The following LTBP1 variants were observed in gnomAD, a reference collection of about 807,000 sequenced individuals.
The protein encoded by LTBP1 is latent transforming growth factor beta binding protein 1.
Under a neutral mutation model 207.6 loss-of-function variants are expected in LTBP1, and 129 were observed. The ratio of observed to expected loss-of-function variants is 0.62; its 90% confidence interval spans 0.54 to 0.72. The LOEUF (loss-of-function observed/expected upper bound fraction) is 0.72. Ranked by LOEUF, LTBP1 falls within the 30% of genes least tolerant of loss-of-function variation. The probability of loss-of-function intolerance (pLI) is 0.00; values close to 1 mark genes in which losing one functional copy is unlikely to be tolerated. For synonymous variants in LTBP1, 963 were observed against 833.7 expected, an observed-to-expected ratio of 1.16 and a Z score of -2.67; for missense variants, 2,281 against 2,217.2, an observed-to-expected ratio of 1.03 and a Z score of -0.58.
chr2:33,127,566 C>T (rs1398676739), intron 4 of LTBP1, among the ~76,000 whole-genome samples: 1 of 152,182 alleles, frequency 6.6e-6, no homozygotes, highest in African/African-American at 2.4e-5. Flanking sequence ...ACCACATTCT[C>T]TCTTCCAGTC....
At chr2:33,362,055 G>A (rs529312138) in intron 28 of LTBP1, among the ~76,000 whole-genome samples, 1 of 152,220 alleles carries the variant, frequency 6.6e-6, no homozygotes, top group South Asian at 2.1e-4. Flanking sequence ...TGTATTTGAT[G>A]CTACGGTTAT....
At chr2:33,292,641 A>T (rs1361866605) in intron 19 of LTBP1, among the ~76,000 whole-genome samples, 2 of 152,008 alleles carry the variant, frequency 1.3e-5, no homozygotes, top group Non-Finnish European at 2.9e-5. Context: ...TGTCCCTTAG[A>T]TTACTTGGTT....
At chr2:33,115,037 T>TACACACACACACACACAC (rs60544598) in intron 4 of LTBP1, among the ~76,000 whole-genome samples, 1 of 145,150 alleles carries the variant, frequency 6.9e-6, no homozygotes, top group South Asian at 2.3e-4. Context: ...AACAGATATA[T>TACACACACACACACACAC]ACACACACAC....
At chr2:33,184,410 A>C (rs1312066631) in intron 5 of LTBP1, among the ~76,000 whole-genome samples, 1 of 151,902 alleles carries the variant, frequency 6.6e-6, no homozygotes, top group Non-Finnish European at 1.5e-5. Context: ...TCAGCAACAT[A>C]GGTTTACTCA....
chr2:32,971,038 G>GTC lies in LTBP1; in HGVS notation c.565+22094_565+22095insCT, dbSNP rs1558455414. ...TGTGTGTGTGTGTGTGTGTGTGTGT[G>GTC]TGTGTCTGTCTGTCTTTTGTAAATG... On this transcript the variant is annotated intron_variant, in intron 2 of 33. Transcript: ENST00000404816. 5.3e-3 allele frequency among the ~76,000 whole-genome samples: 727 copies of GTC among 136,708 alleles called. 7 individuals carry two copies. Among genetic ancestry groups the GTC allele is most frequent in the African/African-American group, 0.018 (692 of 38,142 alleles). The allele number at this position is 136,708 out of a possible 152,430, so 89.7% of individuals were successfully genotyped here. A position where few individuals can be genotyped will look rare whatever the true frequency, so the allele number is the denominator to read the frequency against.
At chr2:33,092,723 G>A (rs922105687) in intron 3 of LTBP1, among the ~76,000 whole-genome samples, 3 of 152,228 alleles carry the variant, frequency 2.0e-5, no homozygotes, top group Middle Eastern at 3.4e-3. Flanking sequence ...GGAGCTCCTG[G>A]ATCCCACAGA....
At chr2:33,175,891 A>T (rs2085988576) in intron 5 of LTBP1, among the ~76,000 whole-genome samples, 1 of 130,458 alleles carries the variant, frequency 7.7e-6, no homozygotes, top group African/African-American at 2.8e-5. Flanking sequence ...CATTCTCAGT[A>T]AACGATCGCA....
At chr2:33,362,913 G>C (rs1183637729) in intron 28 of LTBP1, among the ~76,000 whole-genome samples, 1 of 152,034 alleles carries the variant, frequency 6.6e-6, no homozygotes, top group African/African-American at 2.4e-5. Flanking sequence ...TGGGGGAATG[G>C]GTCTGCTAAC....
chr2:33,194,148 G>A (rs1488515039), intron 7 of LTBP1, among the ~76,000 whole-genome samples: 7 of 151,884 alleles, frequency 4.6e-5, no homozygotes, highest in East Asian at 1.9e-4. Context: ...CACCACGCCC[G>A]GGTAATTTTT....
At chr2:33,339,807 G>A (rs930130707) in intron 24 of LTBP1, among the ~76,000 whole-genome samples, 2 of 151,858 alleles carry the variant, frequency 1.3e-5, no homozygotes, top group African/African-American at 4.8e-5. Flanking sequence ...CACCACACCC[G>A]GCTAATTTTG....
chr2:33,023,258 A>G (rs2168064), intron 3 of LTBP1, among the ~76,000 whole-genome samples: 25,761 of 152,262 alleles, frequency 0.17, 2,399 homozygotes, highest in African/African-American at 0.21. Context: ...GTAATTTACA[A>G]GCAACATTAT....
At chr2:33,281,842 A>C (rs1409483678) in intron 19 of LTBP1, among the ~76,000 whole-genome samples, 2 of 152,142 alleles carry the variant, frequency 1.3e-5, no homozygotes, top group African/African-American at 4.8e-5. Context: ...CATAAATTTC[A>C]TACTTGCCTA....
At chr2:32,987,038 G>A (rs955614490) in intron 2 of LTBP1, among the ~76,000 whole-genome samples, 17 of 152,096 alleles carry the variant, frequency 1.1e-4, no homozygotes, top group African/African-American at 4.1e-4. Flanking sequence ...TAGCTCTTAT[G>A]GACTGTGGGT....
At chr2:32,979,332 C>G (rs1231863272) in intron 2 of LTBP1, among the ~76,000 whole-genome samples, 2 of 151,850 alleles carry the variant, frequency 1.3e-5, no homozygotes, top group Non-Finnish European at 2.9e-5. Flanking sequence ...GTGCTCATAG[C>G]TATAAATTTT....
intron 7 of LTBP1, among the ~76,000 whole-genome samples, chr2:33,198,008 C>G (rs780244869): frequency 1.3e-5 from 2 of 152,142 alleles, no homozygotes; most frequent in Non-Finnish European, 2.9e-5. Flanking sequence ...CTGATTTATA[C>G]AGCATATGTT....
chr2:33,363,475 T>G lies in LTBP1; in HGVS notation c.4356T>G (p.Cys1452Trp). 1 of 1,613,946 alleles carries G rather than the reference T, an allele frequency of 6.2e-7. No individual in the cohort carries two copies. Among genetic ancestry groups the G allele is most frequent in the South Asian group, 1.1e-5 (1 of 91,070 alleles). Residue 1452 changes from cysteine to tryptophan, a missense_variant, in exon 29 of 34, where the codon TGT (cysteine) becomes TGG (tryptophan). Physicochemically the swap from Cys to Trp is radical, Grantham distance 215. This residue lies in a region of LTBP1 where 1,671 missense variants were observed against 1,634.8 expected (regional missense o/e 1.02). Coordinates refer to ENST00000404816, the MANE Select transcript of LTBP1 (RefSeq NM_206943.4). Reference protein sequence around the residue: ...LNTRPGYECYCKQGTYYDPVK... With the variant: ...LNTRPGYECYWKQGTYYDPVK... Reference sequence around the variant, plus strand: ...CTCGGCCTGGGTATGAATGCTACTGTAAGCAAGGGACGTACTATGATCCTG... The same window carrying G: ...CTCGGCCTGGGTATGAATGCTACTGGAAGCAAGGGACGTACTATGATCCTG...
intron 31 of LTBP1, among the ~76,000 whole-genome samples, chr2:33,365,856 A>G (rs1559074818): frequency 6.6e-6 from 1 of 152,214 alleles, no homozygotes; most frequent in Non-Finnish European, 1.5e-5. Context: ...AACAGTTTCT[A>G]CTTAGACCAA....
intron 3 of LTBP1, among the ~76,000 whole-genome samples, chr2:33,066,207 A>G (rs564009325): frequency 1.1e-4 from 17 of 152,206 alleles, no homozygotes; most frequent in African/African-American, 4.1e-4. Context: ...AATTTTTTCT[A>G]TATGGTTTTT....
intron 2 of LTBP1, among the ~76,000 whole-genome samples, chr2:32,970,427 T>A (rs1410937566): frequency 6.6e-6 from 1 of 152,156 alleles, no homozygotes; most frequent in Non-Finnish European, 1.5e-5. Context: ...TTAAGTTGAT[T>A]TTTTTGTATA....
Sources: gnomAD v4.1 joint callset for allele counts (sites outside exome capture counted in the v4.1 genomes callset) on GRCh38, gnomAD v4.1.1 for gene constraint, gnomAD v4.1.1 regional missense constraint, MANE v1.5 for transcripts, NCBI Gene and HGNC (gene_info 2026-07-23, HGNC 2026-07-21) for gene names.